Variants in TBPL1 observed in about 807,000 individuals in gnomAD.
TBPL1 encodes TATA-box binding protein like 1.
A neutral mutation model predicts 22.1 loss-of-function variants in TBPL1; 4 were observed. That is an observed-to-expected ratio of 0.18 (90% CI 0.09 to 0.41). TBPL1 has a LOEUF of 0.41. TBPL1 is among the 10% of genes least tolerant of loss of function. The pLI is 1.00. For synonymous variants in TBPL1, 64 were observed against 71.0 expected (o/e 0.90, Z 0.50); for missense variants, 115 against 222.3 (o/e 0.52, Z 3.07).
chr6:133,969,351 T>C (rs1049267835), intron 1 of TBPL1, among the ~76,000 whole-genome samples: 43 of 151,484 alleles, frequency 2.8e-4, no homozygotes, highest in Non-Finnish European at 6.0e-4. Context: ...TTTCTTAATA[T>C]AGATTTTTTT....
intron 1 of TBPL1, among the ~76,000 whole-genome samples, chr6:133,977,370 C>G (rs1776332864): frequency 6.6e-6 from 1 of 152,096 alleles, no homozygotes; most frequent in Non-Finnish European, 1.5e-5. Flanking sequence ...TGAAAAATCA[C>G]CAATTTTGAA....
chr6:133,969,251 C>CTTTT (rs536421364), intron 1 of TBPL1, among the ~76,000 whole-genome samples: 16 of 122,584 alleles, frequency 1.3e-4, no homozygotes, highest in Admixed American at 2.5e-4. Context: ...ATAAAATACA[C>CTTTT]TTTTTTTTTT....
intron 1 of TBPL1, among the ~76,000 whole-genome samples, chr6:133,959,586 A>G (rs772937811): frequency 2.0e-5 from 3 of 151,952 alleles, no homozygotes; most frequent in African/African-American, 7.3e-5. Context: ...GGTTCAAGCA[A>G]TTCTCCTGCC....
chr6:133,954,325 C>CGT (rs947417498), intron 1 of TBPL1, among the ~76,000 whole-genome samples: 5 of 151,982 alleles, frequency 3.3e-5, no homozygotes, highest in Admixed American at 6.6e-5. Flanking sequence ...AGCAGGTTTG[C>CGT]GTGTGTGTGT....
Position 133,984,559 on chromosome 6 carries a change from G to A in TBPL1, c.387-18G>A. On this transcript the variant is annotated intron_variant, in intron 5 of 6. Coordinates refer to ENST00000237264, the MANE Select transcript of TBPL1 (RefSeq NM_004865.4). Reference sequence around the variant, plus strand: ...CAGGGTATAAATATTTATATTAATTGTGGCTTATTTTGTGTAGTTACGAAC... The same window carrying A: ...CAGGGTATAAATATTTATATTAATTATGGCTTATTTTGTGTAGTTACGAAC... The A allele has an allele frequency of 6.2e-7, 1 of 1,611,152 alleles. No homozygotes were observed. Among genetic ancestry groups the A allele is most frequent in the East Asian group, 2.2e-5 (1 of 44,770 alleles).
intron 4 of TBPL1, among the ~76,000 whole-genome samples, chr6:133,983,990 C>T (rs1776462717): frequency 6.6e-6 from 1 of 152,166 alleles, no homozygotes; most frequent in African/African-American, 2.4e-5. Flanking sequence ...TCTGTATTTA[C>T]TGACTTTAAA....
In TBPL1 at chr6:133,979,731, C is replaced by T. The variant is rs3777897; in HGVS notation, c.-44-351C>T. ...GTACGATCTCGGCTCACTGCAACCT[C>T]CGCCTCCCAGGTTCAAGTGATTCTC... On this transcript the variant is annotated intron_variant, in intron 1 of 6. Transcript: ENST00000237264. Among the ~76,000 whole-genome samples, 1,280 of 152,096 alleles carry T rather than the reference C, an allele frequency of 8.4e-3. 38 individuals carry two copies. Among genetic ancestry groups the T allele is most frequent in the Admixed American group, 0.062 (948 of 15,278 alleles).
At chr6:133,957,668 G>A (rs909060642) in intron 1 of TBPL1, among the ~76,000 whole-genome samples, 1 of 152,198 alleles carries the variant, frequency 6.6e-6, no homozygotes, top group South Asian at 2.1e-4. Context: ...GATGCAGGCA[G>A]CCTGTGTTCA....
Position 133,984,474 on chromosome 6 carries a change from T to G in TBPL1, c.381T>G (p.His127Gln). The G allele has an allele frequency of 1.2e-6, 2 of 1,613,672 alleles. No homozygotes were observed. Among genetic ancestry groups the G allele is most frequent in the Non-Finnish European group, 1.7e-6 (2 of 1,179,786 alleles). Residue 127 changes from histidine (H) to glutamine (Q), a missense_variant, in exon 5 of 7, where the codon CAT becomes CAG. Physicochemically the swap from His to Gln is conservative, Grantham distance 24. Coordinates refer to ENST00000237264, the MANE Select transcript of TBPL1 (RefSeq NM_004865.4). ...LPEFTKNNRP[H>Q]ASYEPELHPA... Reference sequence around the variant, plus strand: ...AATTCACAAAGAACAATAGACCTCATGCCAGGTAAGTCTTTGAAGCAATTT... The same window carrying G: ...AATTCACAAAGAACAATAGACCTCAGGCCAGGTAAGTCTTTGAAGCAATTT...
intron 1 of TBPL1, among the ~76,000 whole-genome samples, chr6:133,957,545 C>T (rs752025759): frequency 1.1e-4 from 17 of 152,152 alleles, no homozygotes; most frequent in Non-Finnish European, 1.9e-4. Flanking sequence ...TTAACGTTCC[C>T]GCTCCTGATA....
intron 1 of TBPL1, among the ~76,000 whole-genome samples, chr6:133,958,956 G>C (rs1463248274): frequency 2.0e-5 from 3 of 152,158 alleles, no homozygotes; most frequent in Non-Finnish European, 4.4e-5. Flanking sequence ...TCCTGTTTAA[G>C]AGAGGAAATG....
At chr6:133,973,965 A>G (rs1444799339) in intron 1 of TBPL1, among the ~76,000 whole-genome samples, 1 of 149,704 alleles carries the variant, frequency 6.7e-6, no homozygotes, top group Non-Finnish European at 1.5e-5. Flanking sequence ...ACATATATAT[A>G]TATATTTGTT....
chr6:133,966,693 T>C (rs1023977424), intron 1 of TBPL1, among the ~76,000 whole-genome samples: 2 of 152,208 alleles, frequency 1.3e-5, no homozygotes, highest in Non-Finnish European at 2.9e-5. Context: ...GTAAATAGTA[T>C]CTTAGGCCAC....
intron 1 of TBPL1, among the ~76,000 whole-genome samples, chr6:133,959,464 G>GTTCT (rs545474050): frequency 1.8e-4 from 27 of 152,136 alleles, no homozygotes; most frequent in East Asian, 1.5e-3. Context: ...TTTCTCTAGT[G>GTTCT]TTCTTTCTTT....
At chr6:133,964,693 C>T (rs1297184701) in intron 1 of TBPL1, among the ~76,000 whole-genome samples, 1 of 152,096 alleles carries the variant, frequency 6.6e-6, no homozygotes, top group South Asian at 2.1e-4. Flanking sequence ...CGTGATCCAC[C>T]CGCCTCAGCT....
chr6:133,954,446 G>A (rs1775892620), intron 1 of TBPL1, among the ~76,000 whole-genome samples: 1 of 152,242 alleles, frequency 6.6e-6, no homozygotes, highest in Non-Finnish European at 1.5e-5. Context: ...TTCCTATTGA[G>A]AAGTGACTGT....
At chr6:133,960,044 C>G (rs1051486927) in intron 1 of TBPL1, among the ~76,000 whole-genome samples, 5 of 152,142 alleles carry the variant, frequency 3.3e-5, no homozygotes, top group Non-Finnish European at 7.4e-5. Flanking sequence ...TTCCTCTCAC[C>G]TACTTATGGC....
chr6:133,981,895 T>C (rs1776420016), intron 2 of TBPL1, among the ~76,000 whole-genome samples: 1 of 152,264 alleles, frequency 6.6e-6, no homozygotes, highest in Non-Finnish European at 1.5e-5. Context: ...TCTGTAGTTA[T>C]TTCATTGTAA....
intron 1 of TBPL1, among the ~76,000 whole-genome samples, chr6:133,975,446 T>A (rs1367359563): frequency 6.6e-6 from 1 of 152,180 alleles, no homozygotes; most frequent in Non-Finnish European, 1.5e-5. Context: ...GTCTTAAAAA[T>A]TTATCAAACA....
Sources: gnomAD v4.1 joint callset for allele counts (sites outside exome capture counted in the v4.1 genomes callset) on GRCh38, gnomAD v4.1.1 for gene constraint, MANE v1.5 for transcripts, NCBI Gene and HGNC (gene_info 2026-07-23, HGNC 2026-07-21) for gene names.